Variants in SH3GL1 observed in about 807,000 individuals in gnomAD.
SH3GL1 encodes the protein SH3 domain containing GRB2 like 1, endophilin A2, also known as endophilin-A2.
Under a neutral mutation model 48.8 loss-of-function variants are expected in SH3GL1, and 21 were observed. The ratio of observed to expected loss-of-function variants is 0.43; its 90% CI spans 0.30 to 0.62. SH3GL1 has a LOEUF of 0.62. Ranked by LOEUF, SH3GL1 falls within the 20% of genes least tolerant of loss-of-function variation. The pLI is 0.11. For synonymous variants in SH3GL1, 282 were observed against 217.5 expected, an observed-to-expected ratio of 1.30 and a Z score of -2.61; for missense variants, 454 against 503.0, an observed-to-expected ratio of 0.90 and a Z score of 0.93.
At position 4,389,373 on chromosome 19, in the gene SH3GL1, A is replaced by T. The variant is rs1973293733; in HGVS notation, c.45+10951T>A. The stretch of plus-strand genomic sequence containing the variant: ...ATGCCAAGGATAAGGGGAGATAGAA[A>T]CGCGTTCGTTATAGGGCAGACAGGA... On this transcript the variant is annotated intron_variant, in intron 1 of 9. Transcript: ENST00000269886. This position sits in a 1 kb window ranked among gnomAD's most constrained non-coding sequence, Gnocchi z 4.5. Among the ~76,000 whole-genome samples the T allele has an allele frequency of 6.6e-6, 1 of 151,650 alleles. No individual in the cohort carries two copies.
chr19:4,363,370 C>T lies in SH3GL1; in HGVS notation c.728G>A (p.Arg243Lys). Residue 243 changes from arginine (R) to lysine (K), a missense_variant and splice_region_variant, in exon 7 of 10, where the codon AGG becomes AAG. Physicochemically the swap from Arg to Lys is conservative, Grantham distance 26. This residue lies in a region of SH3GL1 where 278 missense variants were observed against 246.8 expected (regional missense o/e 1.13). Coordinates refer to ENST00000269886, the MANE Select transcript of SH3GL1 (RefSeq NM_003025.4). ...LDELAEKLKR[R>K]MREASSRPKR... ...GGAGAGACCAAGGCCCTGGGCTCAC[C>T]TGCGCTTGAGCTTCTCCGCCAGCTC... 6.3e-7 allele frequency: 1 copy of T among 1,597,700 alleles called. No individual in the cohort carries two copies. The highest frequency in any genetic ancestry group is 1.1e-5 in the South Asian group (1 of 88,508).
chr19:4,375,146 G>A (rs1972982002), intron 1 of SH3GL1, among the ~76,000 whole-genome samples: 1 of 152,146 alleles, frequency 6.6e-6, no homozygotes, highest in South Asian at 2.1e-4. Flanking sequence ...GGAAAGCTGG[G>A]ACCTACTGTC....
intron 1 of SH3GL1, among the ~76,000 whole-genome samples, chr19:4,368,573 C>T (rs1466205047): frequency 1.3e-5 from 2 of 152,262 alleles, no homozygotes; most frequent in African/African-American, 2.4e-5. Flanking sequence ...CCTGGCCCTC[C>T]TCCAAGGCTT....
In SH3GL1 at chr19:4,362,769, C is replaced by T. The variant is rs367956348; in HGVS notation, c.729-33G>A. 263 of 1,612,918 alleles carry T rather than the reference C, an allele frequency of 1.6e-4. 1 individual carries two copies. The highest frequency in any genetic ancestry group is 9.9e-4 in the Middle Eastern group (6 of 6,062). ...GGGAGAGGCGTGAGTGGACCGAGCC[C>T]GTGTCACGGCCGAGGCAGCCCCACT... On this transcript the variant is annotated intron_variant, in intron 7 of 9. Transcript: ENST00000269886.
intron 1 of SH3GL1, among the ~76,000 whole-genome samples, chr19:4,391,790 A>G (rs1973341549): frequency 6.6e-6 from 1 of 152,200 alleles, no homozygotes; most frequent in Non-Finnish European, 1.5e-5. Flanking sequence ...TCAGGCCTCC[A>G]CACAGCTGCT....
intron 1 of SH3GL1, among the ~76,000 whole-genome samples, chr19:4,382,003 C>G (rs184366607): frequency 6.6e-6 from 1 of 152,102 alleles, no homozygotes; most frequent in Non-Finnish European, 1.5e-5. Context: ...AAAGTCTTCA[C>G]TAGGTCAGAC....
At chr19:4,394,316 A>G (rs536206057) in intron 1 of SH3GL1, among the ~76,000 whole-genome samples, 2 of 152,184 alleles carry the variant, frequency 1.3e-5, no homozygotes, top group East Asian at 3.9e-4. Flanking sequence ...CGCTAGCGGC[A>G]TTCTTTCACC....
chr19:4,378,690 G>T (rs1427859824), intron 1 of SH3GL1, among the ~76,000 whole-genome samples: 2 of 152,010 alleles, frequency 1.3e-5, no homozygotes, highest in Non-Finnish European at 2.9e-5. Context: ...ACTCCAGCCT[G>T]GGCAACAAGA....
rs535418305 is a variant in SH3GL1, at chr19:4,387,029, C to T, written c.45+13295G>A. On this transcript the variant is annotated intron_variant, in intron 1 of 9. Coordinates refer to ENST00000269886, the MANE Select transcript of SH3GL1 (RefSeq NM_003025.4). ...TTGGCTCACTGCAAGCTCTGCCTCCCGGGTTCACGCCATACTCCTGGCTCA... is the reference window on the plus strand; with the variant it reads ...TTGGCTCACTGCAAGCTCTGCCTCCTGGGTTCACGCCATACTCCTGGCTCA... Among the ~76,000 whole-genome samples the T allele has an allele frequency of 9.2e-5, 14 of 151,400 alleles. No individual in the cohort carries two copies. In the East Asian group the frequency reaches 9.9e-4, roughly 11 times the overall value.
At chr19:4,391,811 G>A (rs980052174) in intron 1 of SH3GL1, among the ~76,000 whole-genome samples, 4 of 152,200 alleles carry the variant, frequency 2.6e-5, no homozygotes, top group African/African-American at 7.2e-5. Flanking sequence ...GGTTCCACCC[G>A]TCTGCAAGCC....
rs367903090 is a variant in SH3GL1 at position 4,361,809 on chromosome 19, G to A, written c.911-13C>T. ...TGGTCCAGGGGCGCTGGGGGCGGGA[G>A]CGGGCTGTGGGGCTGGGGCTGCTAC... On this transcript the variant is annotated splice_polypyrimidine_tract_variant and intron_variant, in intron 9 of 9. Transcript: ENST00000269886. 16 of 1,589,844 alleles carry A rather than the reference G, an allele frequency of 1.0e-5. No homozygotes were observed. The African/African-American group carries it at 2.1e-4, about 21-fold the overall frequency.
At position 4,376,696 on chromosome 19, in the gene SH3GL1, T is replaced by A. The variant is rs781470431; in HGVS notation, c.46-9702A>T. Among the ~76,000 whole-genome samples, 24 of 152,060 alleles carry A rather than the reference T, an allele frequency of 1.6e-4. No homozygotes were observed. Among genetic ancestry groups the A allele is most frequent in the Non-Finnish European group, 1.5e-4 (10 of 68,008 alleles). On this transcript the variant is annotated intron_variant, in intron 1 of 9. Coordinates refer to ENST00000269886, the MANE Select transcript of SH3GL1 (RefSeq NM_003025.4). The surrounding 1 kb of genome is among the most constrained non-coding windows in gnomAD (Gnocchi z 4.3). ...TTCCTTCTCCCTCACTGAGCCTCCC[T>A]GGATCTTCCCATGCTGGGTCTTAGC...
At chr19:4,391,512 C>G (rs1973336887) in intron 1 of SH3GL1, among the ~76,000 whole-genome samples, 1 of 152,194 alleles carries the variant, frequency 6.6e-6, no homozygotes, top group Admixed American at 6.5e-5. Flanking sequence ...TTGACTTGTT[C>G]TGGGACCTAC....
Position 4,367,118 on chromosome 19 carries a change from G to A in SH3GL1, c.46-124C>T. The A allele has an allele frequency of 1.1e-6, 1 of 872,356 alleles. No individual in the cohort carries two copies. Among genetic ancestry groups the A allele is most frequent in the Non-Finnish European group, 1.9e-6 (1 of 514,582 alleles). 54.0% of individuals were successfully genotyped at this position (872,356 alleles called of 1,614,324 possible). ...CTGGAGGCAGGAGGCCAAGTGATCA[G>A]GACACACACCTCAGGCACTGCCGTG... On this transcript the variant is annotated intron_variant, in intron 1 of 9. Transcript: ENST00000269886. This position sits in a 1 kb window ranked among gnomAD's most constrained non-coding sequence, Gnocchi z 4.2.
At chr19:4,390,810 G>T (rs548639896) in intron 1 of SH3GL1, among the ~76,000 whole-genome samples, 1 of 151,918 alleles carries the variant, frequency 6.6e-6, no homozygotes, top group East Asian at 1.9e-4. Context: ...TCAGGGGCTT[G>T]GAAAAGAGAA....
At chr19:4,393,633 T>C (rs528670540) in intron 1 of SH3GL1, among the ~76,000 whole-genome samples, 260 of 151,796 alleles carry the variant, frequency 1.7e-3, no homozygotes, top group African/African-American at 6.1e-3. Flanking sequence ...CTACTAAAAA[T>C]ACAAAAATGA....
intron 1 of SH3GL1, among the ~76,000 whole-genome samples, chr19:4,398,406 G>A (rs866160930): frequency 6.7e-6 from 1 of 150,130 alleles, no homozygotes; most frequent in African/African-American, 2.5e-5. Flanking sequence ...TTTTCAAGAC[G>A]GAGTCTCGCT....
At chr19:4,393,516 G>A (rs766331254) in intron 1 of SH3GL1, among the ~76,000 whole-genome samples, 14 of 151,780 alleles carry the variant, frequency 9.2e-5, no homozygotes, top group Non-Finnish European at 1.6e-4. Context: ...AAATAGGCGA[G>A]GCACAGTGGC....
In SH3GL1 at chr19:4,361,595, G is replaced by T. The variant is rs766845314; in HGVS notation, c.*5C>A. 2.5e-6 allele frequency: 4 copies of T among 1,590,308 alleles called. No homozygotes were observed. Among genetic ancestry groups the T allele is most frequent in the Non-Finnish European group, 3.4e-6 (4 of 1,171,208 alleles). On this transcript the variant is annotated 3_prime_UTR_variant, in exon 10 of 10. Coordinates refer to ENST00000269886, the MANE Select transcript of SH3GL1 (RefSeq NM_003025.4). ...ACGGAGGGGCGGGGCGGGGACACGG[G>T]TGAGTCACTGCGGCAGGGGCACAAG...
Sources: allele counts gnomAD v4.1 joint callset (sites outside exome capture counted in the v4.1 genomes callset), GRCh38; gene constraint gnomAD v4.1.1; regional missense constraint gnomAD v4.1.1; non-coding constraint Gnocchi (gnomAD v3.1); transcripts MANE v1.5; gene names NCBI Gene and HGNC (gene_info 2026-07-23, HGNC 2026-07-21).